Variants in CTIF observed in about 807,000 individuals in gnomAD.
CTIF encodes cap binding complex dependent translation initiation factor, also known as CBP80/20-dependent translation initiation factor.
A neutral mutation model predicts 66.0 loss-of-function variants in CTIF; 21 were observed. The ratio of observed to expected loss-of-function variants is 0.32; its 90% CI spans 0.23 to 0.46. The LOEUF is 0.46. Among genes scored for constraint, CTIF ranks in the 20% least tolerant of loss-of-function variants. The pLI is 1.00. For missense variants in CTIF, 739 were observed against 812.7 expected, an observed-to-expected ratio of 0.91 and a Z score of 1.10; for synonymous variants, 345 against 326.4, an observed-to-expected ratio of 1.06 and a Z score of -0.62.
chr18:48,650,968 C>A (rs934362498), intron 3 of CTIF, among the ~76,000 whole-genome samples: 4 of 152,148 alleles, frequency 2.6e-5, no homozygotes, highest in African/African-American at 9.7e-5. Flanking sequence ...ACCACCAGGC[C>A]TGCCTTACAG....
At chr18:48,730,921 A>G (rs1264751181) in intron 7 of CTIF, among the ~76,000 whole-genome samples, 2 of 152,062 alleles carry the variant, frequency 1.3e-5, no homozygotes, top group Non-Finnish European at 2.9e-5. Flanking sequence ...CGTTTTCATC[A>G]TGGCAAAAAT....
At chr18:48,737,985 A>T (rs2092518656) in intron 7 of CTIF, among the ~76,000 whole-genome samples, 1 of 152,238 alleles carries the variant, frequency 6.6e-6, no homozygotes, top group African/African-American at 2.4e-5. Context: ...TCAACATCCC[A>T]CGGTGGGGTG....
At chr18:48,707,903 G>A (rs535899923) in intron 6 of CTIF, among the ~76,000 whole-genome samples, 23 of 152,052 alleles carry the variant, frequency 1.5e-4, no homozygotes, top group Non-Finnish European at 2.6e-4. Context: ...TGGCAACCAC[G>A]GATCCACTTT....
At chr18:48,716,633 A>T (rs977912301) in intron 7 of CTIF, among the ~76,000 whole-genome samples, 1 of 152,098 alleles carries the variant, frequency 6.6e-6, no homozygotes, top group Non-Finnish European at 1.5e-5. Context: ...ACCACCCCCA[A>T]TTGAACTACA....
At position 48,796,422 on chromosome 18, in the gene CTIF, C is replaced by T. The variant is rs537320197; in HGVS notation, c.1372-20799C>T. 1.1e-4 allele frequency among the ~76,000 whole-genome samples: 17 copies of T among 152,226 alleles called. No homozygotes were observed. The South Asian group carries it at 2.1e-3, about 19-fold the overall frequency. On this transcript the variant is annotated intron_variant, in intron 9 of 11. Coordinates refer to ENST00000256413, the MANE Select transcript of CTIF (RefSeq NM_014772.3). ...CCATATCCTGACCTCGCAATCTGCC[C>T]GCCTTGGCCTCCCAAAGTGCTGGGA...
At chr18:48,724,765 T>G (rs1220840494) in intron 7 of CTIF, among the ~76,000 whole-genome samples, 4 of 152,296 alleles carry the variant, frequency 2.6e-5, no homozygotes, top group African/African-American at 9.6e-5. Context: ...AGCACACACA[T>G]TCATTCATGT....
intron 6 of CTIF, among the ~76,000 whole-genome samples, chr18:48,702,155 G>C (rs1377705584): frequency 6.6e-6 from 1 of 152,200 alleles, no homozygotes; most frequent in Non-Finnish European, 1.5e-5. Context: ...CACCCAAAGG[G>C]TGTGTGCAGT....
intron 10 of CTIF, among the ~76,000 whole-genome samples, chr18:48,833,729 AC>A (rs990792065): frequency 6.6e-5 from 10 of 152,172 alleles, no homozygotes; most frequent in African/African-American, 2.2e-4. Flanking sequence ...TCCCCAGAAA[AC>A]ACCTGCATGC....
intron 1 of CTIF, among the ~76,000 whole-genome samples, chr18:48,590,241 G>A (rs1439853835): frequency 6.6e-6 from 1 of 152,250 alleles, no homozygotes; most frequent in Non-Finnish European, 1.5e-5. Flanking sequence ...GCTGCTCTGG[G>A]GCCACACTGG....
intron 2 of CTIF, among the ~76,000 whole-genome samples, chr18:48,636,155 C>A (rs562262800): frequency 6.7e-4 from 102 of 152,322 alleles, no homozygotes; most frequent in African/African-American, 2.3e-3. Flanking sequence ...GGGCTCTTTC[C>A]TGGTGCCAAA....
At chr18:48,547,927 C>T (rs1382132476) in intron 1 of CTIF, among the ~76,000 whole-genome samples, 1 of 152,148 alleles carries the variant, frequency 6.6e-6, no homozygotes, top group Non-Finnish European at 1.5e-5. Flanking sequence ...TCCTCCGACG[C>T]CCAGAATACA....
rs965572118 is a variant in CTIF at position 48,586,473 on chromosome 18, G to A, written c.-28-33065G>A. 2.6e-5 allele frequency among the ~76,000 whole-genome samples: 4 copies of A among 151,852 alleles called. No homozygotes were observed. The South Asian group carries it at 8.4e-4, about 32-fold the overall frequency. Reference sequence around the variant, plus strand: ...TTTAGTAGAGACAGGATTTCACCATGTTGGCCAGGCTGGTCTCAAACTCCT... The same window carrying A: ...TTTAGTAGAGACAGGATTTCACCATATTGGCCAGGCTGGTCTCAAACTCCT... On this transcript the variant is annotated intron_variant, in intron 1 of 11. Transcript: ENST00000256413.
intron 10 of CTIF, among the ~76,000 whole-genome samples, chr18:48,835,362 G>A (rs1273337287): frequency 6.6e-6 from 1 of 152,210 alleles, no homozygotes; most frequent in Non-Finnish European, 1.5e-5. Flanking sequence ...TCTTACAGAG[G>A]CAGTCACTGT....
At chr18:48,702,348 C>G (rs1008237145) in intron 6 of CTIF, among the ~76,000 whole-genome samples, 1 of 152,200 alleles carries the variant, frequency 6.6e-6, no homozygotes, top group African/African-American at 2.4e-5. Flanking sequence ...GTCATAGGCT[C>G]TCACCCACAA....
chr18:48,634,261 G>A (rs2090773635), intron 2 of CTIF, among the ~76,000 whole-genome samples: 1 of 152,172 alleles, frequency 6.6e-6, no homozygotes, highest in Non-Finnish European at 1.5e-5. Flanking sequence ...AGTCCATGAT[G>A]CAGATATGTT....
chr18:48,623,971 A>C (rs565505339), intron 2 of CTIF, among the ~76,000 whole-genome samples: 1 of 152,304 alleles, frequency 6.6e-6, no homozygotes, highest in Admixed American at 6.5e-5. Flanking sequence ...CCTGTCTCTT[A>C]GATGAATAAC....
At chr18:48,791,645 C>T (rs2067795827) in intron 9 of CTIF, among the ~76,000 whole-genome samples, 2 of 152,208 alleles carry the variant, frequency 1.3e-5, no homozygotes, top group Admixed American at 6.5e-5. Flanking sequence ...ATCACAGCAT[C>T]TCCTTGCCCC....
chr18:48,593,182 A>C (rs879728212), intron 1 of CTIF, among the ~76,000 whole-genome samples: 2 of 152,150 alleles, frequency 1.3e-5, no homozygotes, highest in Non-Finnish European at 2.9e-5. Flanking sequence ...AGTTGGCAGA[A>C]ATGCCCGGGA....
At position 48,619,397 on chromosome 18, in the gene CTIF, G is replaced by A. The variant is rs150415504; in HGVS notation, c.-28-141G>A. 5 of 541,818 alleles carry A rather than the reference G, an allele frequency of 9.2e-6. No homozygotes were observed. The East Asian group carries it at 1.6e-4, about 18-fold the overall frequency. The allele number at this position is 541,818 out of a possible 1,614,324, so 33.6% of individuals were successfully genotyped here. A position where few individuals can be genotyped will look rare whatever the true frequency, so the allele number is the denominator to read the frequency against. The stretch of plus-strand genomic sequence containing the variant: ...GCTGAGGGCAAGCCAGCCCCTCGCT[G>A]ACTTCTCAGGGTTGTTGGAAGAACA... On this transcript the variant is annotated intron_variant, in intron 1 of 11. Coordinates refer to ENST00000256413, the MANE Select transcript of CTIF (RefSeq NM_014772.3).
Sources: allele counts gnomAD v4.1 joint callset (sites outside exome capture counted in the v4.1 genomes callset), GRCh38; gene constraint gnomAD v4.1.1; transcripts MANE v1.5; gene names NCBI Gene and HGNC (gene_info 2026-07-23, HGNC 2026-07-21).